The following NINJ2 variants were observed in gnomAD, a reference collection of about 807,000 sequenced individuals.
NINJ2 encodes ninjurin-2.
NINJ2 carries 12 observed loss-of-function variants against 11.7 expected under a neutral mutation model. The observed-to-expected ratio is 1.02, with a 90% CI of 0.66 to 1.66. The LOEUF (loss-of-function observed/expected upper bound fraction) is 1.66. NINJ2 is among the 40% of genes most tolerant of loss of function. The probability of loss-of-function intolerance (pLI) is 0.00; values close to 1 mark genes in which losing one functional copy is unlikely to be tolerated. For synonymous variants in NINJ2, 93 were observed against 76.8 expected, an observed-to-expected ratio of 1.21 and a Z score of -1.10; for missense variants, 187 against 181.8, an observed-to-expected ratio of 1.03 and a Z score of -0.16.
Position 640,962 on chromosome 12 carries a change from G to C in NINJ2, c.33+22366C>G, listed in dbSNP as rs1437960165. On this transcript the variant is annotated intron_variant, in intron 1 of 3. Transcript: ENST00000305108. This position sits in a 1 kb window ranked among gnomAD's most constrained non-coding sequence, Gnocchi z 4.0. ...GAATGGAAGGAAGGCTGCAACTTAA[G>C]AGACTGCGGTTAGAAGTGATCTTCA... The C allele has an allele frequency of 6.6e-6, 1 of 152,270 alleles. No homozygotes were observed. The highest frequency in any genetic ancestry group is 1.9e-4 in the East Asian group (1 of 5,196). 9.4% of individuals were successfully genotyped at this position (152,270 alleles called of 1,614,324 possible).
chr12:661,322 T>C lies in NINJ2; in HGVS notation c.33+2006A>G, dbSNP rs542584870. On this transcript the variant is annotated intron_variant, in intron 1 of 3. Transcript: ENST00000305108. Reference sequence around the variant, plus strand: ...ATCTCTAGCTCTTGAGCTCAAGTGATCCTCCTGCCTCAGCCTCCAAAATGC... The same window carrying C: ...ATCTCTAGCTCTTGAGCTCAAGTGACCCTCCTGCCTCAGCCTCCAAAATGC... Among the ~76,000 whole-genome samples, 7 of 152,310 alleles carry C rather than the reference T, an allele frequency of 4.6e-5. No individual in the cohort carries two copies. In the South Asian group the frequency reaches 1.5e-3, roughly 32 times the overall value.
At chr12:624,059 CA>C (rs1948185152) in intron 1 of NINJ2, among the ~76,000 whole-genome samples, 1 of 151,968 alleles carries the variant, frequency 6.6e-6, no homozygotes, top group Non-Finnish European at 1.5e-5. Flanking sequence ...AAAACAAAAA[CA>C]AAAAACAAAG....
intron 1 of NINJ2, among the ~76,000 whole-genome samples, chr12:588,198 G>GGGAGGGAAGGGACGGAA (rs1947669584): frequency 2.8e-5 from 3 of 108,656 alleles, no homozygotes; most frequent in South Asian, 3.5e-4. Flanking sequence ...AAGGGACGGA[G>GGGAGGGAAGGGACGGAA]GGGACGGAAG....
chr12:601,868 ACT>A (rs976479790), intron 1 of NINJ2, among the ~76,000 whole-genome samples: 21 of 152,288 alleles, frequency 1.4e-4, no homozygotes, highest in African/African-American at 4.8e-4. Flanking sequence ...ATAGAGTGCG[ACT>A]CTGTGTCAAA....
At chr12:645,706 C>T (rs1442505910) in intron 1 of NINJ2, 7 of 152,216 alleles carry the variant, frequency 4.6e-5, no homozygotes, top group African/African-American at 1.7e-4. Context: ...TTCCCTTAGT[C>T]ATGGCATGAG....
chr12:578,614 G>A lies in NINJ2; in HGVS notation c.34-12436C>T, dbSNP rs143612433. On this transcript the variant is annotated intron_variant, in intron 1 of 3. Coordinates refer to ENST00000305108, the MANE Select transcript of NINJ2 (RefSeq NM_016533.6). Reference sequence around the variant, plus strand: ...ATTACAAGCATGAACCACTACACCCGGCCGAGAGCACCCATTTTTTAAGTA... The same window carrying A: ...ATTACAAGCATGAACCACTACACCCAGCCGAGAGCACCCATTTTTTAAGTA... Among the ~76,000 whole-genome samples, 89 of 152,184 alleles carry A rather than the reference G, an allele frequency of 5.8e-4. 1 individual carries two copies. The highest frequency in any genetic ancestry group is 6.8e-3 in the Middle Eastern group (2 of 294).
intron 1 of NINJ2, among the ~76,000 whole-genome samples, chr12:606,329 A>G (rs1592093063): frequency 6.6e-6 from 1 of 152,362 alleles, no homozygotes; most frequent in East Asian, 1.9e-4. Flanking sequence ...GATGATAGAG[A>G]TAAAAAATTA....
intron 1 of NINJ2, among the ~76,000 whole-genome samples, chr12:609,119 G>A (rs1210514955): frequency 1.5e-5 from 2 of 129,276 alleles, no homozygotes; most frequent in East Asian, 4.7e-4. Flanking sequence ...CACGCGCTAG[G>A]TGCTGAACGC....
intron 1 of NINJ2, chr12:610,276 C>G: frequency 7.4e-7 from 1 of 1,356,384 alleles, no homozygotes; most frequent in South Asian, 1.2e-5. Flanking sequence ...CCCTCTTCAC[C>G]TGCCCAGTCC....
rs1023444162 is a variant in NINJ2 at position 614,316 on chromosome 12, T to C, written c.34-48138A>G. ...ATTCGGCTGAATATTCTAGACTGCA[T>C]GAGGGAGAGGACTGTGTGTAGGTCC... On this transcript the variant is annotated intron_variant, in intron 1 of 3. Transcript: ENST00000305108. This position sits in a 1 kb window ranked among gnomAD's most constrained non-coding sequence, Gnocchi z 5.1. 6.6e-6 allele frequency among the ~76,000 whole-genome samples: 1 copy of C among 152,198 alleles called. No homozygotes were observed. Among genetic ancestry groups the C allele is most frequent in the African/African-American group, 2.4e-5 (1 of 41,442 alleles).
intron 1 of NINJ2, among the ~76,000 whole-genome samples, chr12:603,496 G>GT (rs1257276287): frequency 6.6e-6 from 1 of 151,968 alleles, no homozygotes; most frequent in Non-Finnish European, 1.5e-5. Flanking sequence ...CTGCATGACG[G>GT]TTTACTTACA....
chr12:590,127 C>T (rs1191186771), intron 1 of NINJ2, among the ~76,000 whole-genome samples: 2 of 152,170 alleles, frequency 1.3e-5, no homozygotes, highest in Non-Finnish European at 2.9e-5. Context: ...TCTGTAGAGA[C>T]GGTGTCTTGC....
chr12:600,787 T>G (rs1290910804), intron 1 of NINJ2, among the ~76,000 whole-genome samples: 1 of 151,430 alleles, frequency 6.6e-6, no homozygotes, highest in South Asian at 2.1e-4. Context: ...GCTCAGGCAA[T>G]CCTCCCACCT....
intron 1 of NINJ2, among the ~76,000 whole-genome samples, chr12:601,556 A>T (rs4625534): frequency 0.6 from 89,669 of 149,946 alleles, 27,004 homozygotes; most frequent in Middle Eastern, 0.71. Context: ...CTCAAAAAAA[A>T]AAAAAAATAA....
Position 585,574 on chromosome 12 carries a change from G to C in NINJ2, c.34-19396C>G, listed in dbSNP as rs1947625650. Among the ~76,000 whole-genome samples, 1 of 151,718 alleles carries C rather than the reference G, an allele frequency of 6.6e-6. No homozygotes were observed. The highest frequency in any genetic ancestry group is 6.6e-5 in the Admixed American group (1 of 15,258). On this transcript the variant is annotated intron_variant, in intron 1 of 3. Coordinates refer to ENST00000305108, the MANE Select transcript of NINJ2 (RefSeq NM_016533.6). This position sits in a 1 kb window ranked among gnomAD's most constrained non-coding sequence, Gnocchi z 4.1. ...GGAACGGTTGGAGGGAAGGGAGGCT[G>C]AGCACAGGCACGGTCACGCTGTGTT...
rs1488324629 is a variant in NINJ2 at position 580,484 on chromosome 12, AG to A, written c.34-14307del. Among the ~76,000 whole-genome samples, 1 of 152,038 alleles carries A rather than the reference AG, an allele frequency of 6.6e-6. No individual in the cohort carries two copies. The highest frequency in any genetic ancestry group is 1.5e-5 in the Non-Finnish European group (1 of 68,004). ...ACGCCTATAATTCCAGCTACTCGGG[AG>A]GCTGAGGCAGGAGAATCACTTGAAC... On this transcript the variant is annotated intron_variant, in intron 1 of 3. Coordinates refer to ENST00000305108, the MANE Select transcript of NINJ2 (RefSeq NM_016533.6). The surrounding 1 kb of genome is among the most constrained non-coding windows in gnomAD (Gnocchi z 4.7).
chr12:650,676 G>A (rs1937774307), intron 1 of NINJ2, among the ~76,000 whole-genome samples: 1 of 152,162 alleles, frequency 6.6e-6, no homozygotes, highest in South Asian at 2.1e-4. Flanking sequence ...TCCAGCCTGG[G>A]CAACACAGTG....
At chr12:601,284 C>A (rs373816309) in intron 1 of NINJ2, among the ~76,000 whole-genome samples, 1 of 152,218 alleles carries the variant, frequency 6.6e-6, no homozygotes, top group Non-Finnish European at 1.5e-5. Flanking sequence ...CAGTGGCTCA[C>A]GCCTGTAATC....
Position 580,295 on chromosome 12 carries a change from ATGCATTT to A in NINJ2, c.34-14124_34-14118del, listed in dbSNP as rs138467673. Among the ~76,000 whole-genome samples, 772 of 152,250 alleles carry A rather than the reference ATGCATTT, an allele frequency of 5.1e-3. 4 individuals are homozygous for A. Among genetic ancestry groups the A allele is most frequent in the African/African-American group, 0.018 (738 of 41,536 alleles). On this transcript the variant is annotated intron_variant, in intron 1 of 3. Transcript: ENST00000305108. This position sits in a 1 kb window ranked among gnomAD's most constrained non-coding sequence, Gnocchi z 4.7. ...GAATGAATGAAGGAGTGAATGAATG[ATGCATTT>A]GTCAGCAGTGCATGGTGGCTCACAC...
Sources: allele counts gnomAD v4.1 joint callset (sites outside exome capture counted in the v4.1 genomes callset), GRCh38; gene constraint gnomAD v4.1.1; non-coding constraint Gnocchi (gnomAD v3.1); transcripts MANE v1.5; gene names NCBI Gene and HGNC (gene_info 2026-07-23, HGNC 2026-07-21).